Variants in TAF5L observed in about 807,000 individuals in gnomAD.
TAF5L encodes TAF5-like RNA polymerase II p300/CBP-associated factor-associated factor 65 kDa subunit 5L.
In TAF5L, 7 loss-of-function variants were observed where a neutral mutation model predicts 51.3. That is an observed-to-expected ratio of 0.14 (90% CI 0.08 to 0.26). The LOEUF (loss-of-function observed/expected upper bound fraction) is 0.26, where lower values mean the gene tolerates loss of function less well. Among genes scored for constraint, TAF5L ranks in the 10% least tolerant of loss-of-function variants. The pLI is 1.00. For missense variants in TAF5L, 575 were observed against 758.9 expected (o/e 0.76, Z 2.85); for synonymous variants, 291 against 308.1 (o/e 0.94, Z 0.58).
intron 2 of TAF5L, among the ~76,000 whole-genome samples, chr1:229,613,822 C>T (rs548742967): frequency 5.3e-5 from 8 of 152,076 alleles, no homozygotes; most frequent in East Asian, 3.9e-4. Context: ...AAAATAGAAT[C>T]GGATTTCAAA....
chr1:229,621,262 A>G (rs1398465609), intron 1 of TAF5L, among the ~76,000 whole-genome samples: 3 of 152,268 alleles, frequency 2.0e-5, no homozygotes, highest in Non-Finnish European at 4.4e-5. Context: ...ATGCATCAGC[A>G]TCTTGGCTTA....
At chr1:229,598,948 C>T (rs141534742) in intron 4 of TAF5L, among the ~76,000 whole-genome samples, 4,295 of 152,214 alleles carry the variant, frequency 0.028, 110 homozygotes, top group Non-Finnish European at 0.039. Flanking sequence ...CCACCTGCCT[C>T]GGCCTCCCAA....
At chr1:229,596,764 G>C (rs1033819805) in intron 4 of TAF5L, among the ~76,000 whole-genome samples, 3 of 152,154 alleles carry the variant, frequency 2.0e-5, no homozygotes, top group African/African-American at 7.2e-5. Context: ...CAATTAAAAT[G>C]GGTTTTAATT....
Position 229,602,286 on chromosome 1 carries a change from A to C in TAF5L, c.881T>G (p.Leu294Arg). ...TAACTTCTTGGATCGTAAACTCCAA[A>C]GTTTTATACAGGAGTTGTCAAACCC... The change falls in exon 4 of 5, where the codon CTT becomes CGT. Residue 294 changes from leucine to arginine, a missense_variant. Leu to Arg is a moderately radical substitution (Grantham distance 102). Transcript: ENST00000258281. The surrounding 1 kb of genome is among the most constrained non-coding windows in gnomAD (Gnocchi z 4.6). 6.2e-7 allele frequency: 1 copy of C among 1,614,164 alleles called. No individual in the cohort carries two copies. Among genetic ancestry groups the C allele is most frequent in the Non-Finnish European group, 8.5e-7 (1 of 1,180,026 alleles).
In TAF5L at chr1:229,594,132, C is replaced by G; in HGVS notation, c.*165G>C. ...TGTTCCCCTCCCCAACCTTGGCCTT[C>G]GACACTGGGGGGCTGAGTGAAGGGG... is the stretch of plus-strand genomic sequence containing the variant. On this transcript the variant is annotated 3_prime_UTR_variant, in exon 5 of 5. Coordinates refer to ENST00000258281, the Ensembl canonical transcript of TAF5L. This position sits in a 1 kb window ranked among gnomAD's most constrained non-coding sequence, Gnocchi z 7.9. 1 of 774,064 alleles carries G rather than the reference C, an allele frequency of 1.3e-6. No individual in the cohort carries two copies. The highest frequency in any genetic ancestry group is 2.1e-6 in the Non-Finnish European group (1 of 486,318). 47.9% of individuals were successfully genotyped at this position (774,064 alleles called of 1,614,324 possible). A position where few individuals can be genotyped will look rare whatever the true frequency, so the allele number is the denominator to read the frequency against.
chr1:229,599,983 C>T, intron 4 of TAF5L: 3 of 985,422 alleles, frequency 3.0e-6, no homozygotes, highest in Non-Finnish European at 3.6e-6. Context: ...TCACCACTTG[C>T]TTTTACCTGT....
chr1:229,607,997 G>A lies in TAF5L; in HGVS notation c.247+2109C>T, dbSNP rs1225006400. On this transcript the variant is annotated intron_variant, in intron 3 of 4. Transcript: ENST00000258281. ...TTCAGAAATAAAGTAAGAACTTAAA[G>A]GAAATGGTTGATAGACTATAATCTT... Among the ~76,000 whole-genome samples, 5 of 152,132 alleles carry A rather than the reference G, an allele frequency of 3.3e-5. No individual in the cohort carries two copies. The East Asian group carries it at 9.6e-4, about 29-fold the overall frequency.
At chr1:229,623,990 G>A (rs1196275001) in intron 1 of TAF5L, among the ~76,000 whole-genome samples, 1 of 152,200 alleles carries the variant, frequency 6.6e-6, no homozygotes, top group Non-Finnish European at 1.5e-5. Flanking sequence ...GAAGCCACCA[G>A]TCACATACAA....
Position 229,594,443 on chromosome 1 carries a change from T to C in TAF5L, c.1624A>G (p.Thr542Ala). The C allele has an allele frequency of 6.2e-7, 1 of 1,614,092 alleles. No homozygotes were observed. Among genetic ancestry groups the C allele is most frequent in the South Asian group, 1.1e-5 (1 of 91,078 alleles). ...CCGTCGGCAGGTGCACTGCAGTAAG[T>C]GTTCCTGATGTCCCAGACGCGCACC... Residue 542 changes from threonine to alanine, a missense_variant, in exon 5 of 5, where the codon ACT becomes GCT. By Grantham distance (58) the Thr-to-Ala change is moderately conservative. Coordinates refer to ENST00000258281, the Ensembl canonical transcript of TAF5L. This position sits in a 1 kb window ranked among gnomAD's most constrained non-coding sequence, Gnocchi z 7.9.
chr1:229,625,668 G>C lies in TAF5L; in HGVS notation c.-4+217C>G, dbSNP rs914147788. Among the ~76,000 whole-genome samples, 1 of 149,792 alleles carries C rather than the reference G, an allele frequency of 6.7e-6. No individual in the cohort carries two copies. The highest frequency in any genetic ancestry group is 1.5e-5 in the Non-Finnish European group (1 of 67,300). ...CAGGCCACGCCGCCGGCCGCAGCCCGGGACTCGGGAGGCCGAGGGCGGAGG... is the reference window on the plus strand; with the variant it reads ...CAGGCCACGCCGCCGGCCGCAGCCCCGGACTCGGGAGGCCGAGGGCGGAGG... On this transcript the variant is annotated intron_variant, in intron 1 of 4. Coordinates refer to ENST00000258281, the Ensembl canonical transcript of TAF5L. This position sits in a 1 kb window ranked among gnomAD's most constrained non-coding sequence, Gnocchi z 4.0.
intron 3 of TAF5L, chr1:229,606,985 TC>T: frequency 1.0e-6 from 1 of 985,442 alleles, no homozygotes; most frequent in South Asian, 4.7e-5. Context: ...AATTTGCATC[TC>T]CATGTAGCTG....
intron 4 of TAF5L, among the ~76,000 whole-genome samples, chr1:229,598,664 T>C (rs1664224830): frequency 1.3e-5 from 2 of 151,460 alleles, no homozygotes; most frequent in Middle Eastern, 3.5e-3. Flanking sequence ...TAGGTATCAA[T>C]CAACAGGGGT....
At chr1:229,595,149 G>T in intron 4 of TAF5L, 55 bp from the exon 5 acceptor site, 2 of 1,510,704 alleles carry the variant, frequency 1.3e-6, no homozygotes, top group South Asian at 1.3e-5. Flanking sequence ...ATGTTCAGTG[G>T]TCTGACAAGG....
chr1:229,598,107 A>G (rs1407722874), intron 4 of TAF5L, among the ~76,000 whole-genome samples: 1 of 152,236 alleles, frequency 6.6e-6, no homozygotes, highest in Non-Finnish European at 1.5e-5. Context: ...AGCCTGAACT[A>G]GAACAGAAAA....
intron 3 of TAF5L, among the ~76,000 whole-genome samples, chr1:229,604,269 TATCTGCATGTTATTTCTGCTTAAC>T (rs1664501199): frequency 6.6e-6 from 1 of 151,980 alleles, no homozygotes; most frequent in African/African-American, 2.4e-5. Context: ...TGATAAAAGA[TATCTGCATGTTATTTCTGCTTAAC>T]ACCCTATTTC....
intron 1 of TAF5L, among the ~76,000 whole-genome samples, chr1:229,619,111 GTTATTAGTT>G (rs1665114189): frequency 6.6e-6 from 1 of 152,120 alleles, no homozygotes; most frequent in South Asian, 2.1e-4. Context: ...GGTAACTCAA[GTTATTAGTT>G]CTCTTCACTC....
chr1:229,601,201 A>G, intron 4 of TAF5L: 1 of 985,454 alleles, frequency 1.0e-6, no homozygotes, highest in South Asian at 4.7e-5. Context: ...GTGGACTCAG[A>G]AAACAGGAAC....
chr1:229,617,249 C>T (rs1665039041), intron 1 of TAF5L, among the ~76,000 whole-genome samples: 1 of 152,124 alleles, frequency 6.6e-6, no homozygotes, highest in Non-Finnish European at 1.5e-5. Flanking sequence ...ATAATTTCAG[C>T]CCTGCAGATT....
exon 5 of TAF5L, chr1:229,593,305 C>T (rs1052265641): frequency 4.6e-5 from 7 of 152,110 alleles, no homozygotes; most frequent in Admixed American, 1.3e-4. Context: ...CAGTGCAGGA[C>T]GTGGGAGCAG....
Sources: allele counts gnomAD v4.1 joint callset (sites outside exome capture counted in the v4.1 genomes callset), GRCh38; gene constraint gnomAD v4.1.1; non-coding constraint Gnocchi (gnomAD v3.1); transcripts MANE v1.5; gene names NCBI Gene and HGNC (gene_info 2026-07-23, HGNC 2026-07-21).